Variants in SRRT observed in about 807,000 individuals in gnomAD.
The protein encoded by SRRT is serrate, RNA effector molecule.
Under a neutral mutation model 103.2 loss-of-function variants are expected in SRRT, and 32 were observed. The ratio of observed to expected loss-of-function variants is 0.31; its 90% confidence interval spans 0.23 to 0.42. The LOEUF is 0.42. Ranked by LOEUF, SRRT falls within the 10% of genes least tolerant of loss-of-function variation. The pLI is 1.00. For synonymous variants in SRRT, 525 were observed against 449.0 expected (o/e 1.17, Z -2.14); for missense variants, 986 against 1,207.5 (o/e 0.82, Z 2.72).
At chr7:100,876,770 G>A (rs1412330200) in intron 2 of SRRT, among the ~76,000 whole-genome samples, 1 of 152,080 alleles carries the variant, frequency 6.6e-6, no homozygotes, top group Non-Finnish European at 1.5e-5. Flanking sequence ...TTATAAAGAG[G>A]GTAAGCATTG....
At position 100,885,519 on chromosome 7, in the gene SRRT, C is replaced by G. The variant is rs1790012454; in HGVS notation, c.1317+149C>G. On this transcript the variant is annotated intron_variant, in intron 10 of 19. Transcript: ENST00000611405. The surrounding 1 kb of genome is among the most constrained non-coding windows in gnomAD (Gnocchi z 4.8). Reference sequence around the variant, plus strand: ...GTTCCATGGCCTCCGAGGACTAGTCCTGATAGCGCCATTGGCTTTCAGGTG... The same window carrying G: ...GTTCCATGGCCTCCGAGGACTAGTCGTGATAGCGCCATTGGCTTTCAGGTG... 9.2e-7 allele frequency: 1 copy of G among 1,088,448 alleles called. No individual in the cohort carries two copies. Among genetic ancestry groups the G allele is most frequent in the Non-Finnish European group, 1.3e-6 (1 of 758,098 alleles). 67.4% of individuals were successfully genotyped at this position (1,088,448 alleles called of 1,614,324 possible). A position where few individuals can be genotyped will look rare whatever the true frequency, so the allele number is the denominator to read the frequency against.
At chr7:100,880,065 G>T (rs888419394) in intron 2 of SRRT, among the ~76,000 whole-genome samples, 2 of 152,234 alleles carry the variant, frequency 1.3e-5, no homozygotes, top group Non-Finnish European at 2.9e-5. Context: ...GGCAGCCAGG[G>T]CTGCAGGAGC....
At chr7:100,886,560 C>T (rs1406369902) in intron 13 of SRRT, 125 bp downstream of exon 13, 10 of 1,106,564 alleles carry the variant, frequency 9.0e-6, no homozygotes, top group East Asian at 7.7e-5. Flanking sequence ...TCATTTGCCC[C>T]TTCGTGTGTG....
Position 100,887,661 on chromosome 7 carries a change from C to G in SRRT, c.2170-42C>G, listed in dbSNP as rs769730940. The G allele has an allele frequency of 1.9e-6, 3 of 1,590,904 alleles. No homozygotes were observed. Among genetic ancestry groups the G allele is most frequent in the Admixed American group, 1.7e-5 (1 of 59,096 alleles). Reference sequence around the variant, plus strand: ...CAGCTCGGGCCTGGGAGCGAGGCAACCCTTATGTGGCTGTCCTGACCCCTC... The same window carrying G: ...CAGCTCGGGCCTGGGAGCGAGGCAAGCCTTATGTGGCTGTCCTGACCCCTC... On this transcript the variant is annotated intron_variant, in intron 16 of 19. Coordinates refer to ENST00000611405, the MANE Select transcript of SRRT (RefSeq NM_015908.6). The surrounding 1 kb of genome is among the most constrained non-coding windows in gnomAD (Gnocchi z 4.1).
At chr7:100,878,548 G>T (rs1235328212) in intron 2 of SRRT, among the ~76,000 whole-genome samples, 1 of 152,192 alleles carries the variant, frequency 6.6e-6, no homozygotes, top group Non-Finnish European at 1.5e-5. Flanking sequence ...TAACTAGCCT[G>T]TGAGAAACTA....
chr7:100,884,295 T>G, intron 6 of SRRT, 56 bp downstream of exon 6: 2 of 1,609,118 alleles, frequency 1.2e-6, no homozygotes, highest in Non-Finnish European at 1.7e-6. Context: ...TGGGGGTGTC[T>G]GGGGATCAGG....
chr7:100,888,285 A>T lies in SRRT; in HGVS notation c.2457A>T (p.Thr819=). ...GAGAVRPAVP[T]GGPPYPHAPY... ...GTGCTGTCCGCCCTGCAGTCCCCAC[A>T]GGAGGCCCTCCATACCCCCATGCCC... is the stretch of plus-strand genomic sequence containing the variant. Residue 819 remains threonine (T), a synonymous_variant, in exon 19 of 20, where the codon ACA becomes ACT. Coordinates refer to ENST00000611405, the MANE Select transcript of SRRT (RefSeq NM_015908.6). The T allele has an allele frequency of 6.2e-7, 1 of 1,612,618 alleles. No homozygotes were observed. The highest frequency in any genetic ancestry group is 8.5e-7 in the Non-Finnish European group (1 of 1,178,808).
chr7:100,885,144 T>G lies in SRRT; in HGVS notation c.1160-69T>G, dbSNP rs1411740922. The G allele has an allele frequency of 2.5e-6, 4 of 1,603,028 alleles. No individual in the cohort carries two copies. The highest frequency in any genetic ancestry group is 2.2e-5 in the East Asian group (1 of 44,720). ...GGTGGGTGGCTTTTAGGGGAAAGCT[T>G]CTGTATCCTCCCCACCACAATCAGT... On this transcript the variant is annotated intron_variant, in intron 9 of 19. Coordinates refer to ENST00000611405, the MANE Select transcript of SRRT (RefSeq NM_015908.6). This position sits in a 1 kb window ranked among gnomAD's most constrained non-coding sequence, Gnocchi z 4.8.
At position 100,884,970 on chromosome 7, in the gene SRRT, C is replaced by T. The variant is rs370145921; in HGVS notation, c.1089C>T (p.Asp363=). The change falls in exon 9 of 20, where the codon GAC becomes GAT. Residue 363 remains aspartate (D), a synonymous_variant. Coordinates refer to ENST00000611405, the MANE Select transcript of SRRT (RefSeq NM_015908.6). Reference sequence around the variant, plus strand: ...AGCACAGTGGTGACGACAGCTTTGACGAGGGCAGCGTGTCAGAGTCTGAGT... The same window carrying T: ...AGCACAGTGGTGACGACAGCTTTGATGAGGGCAGCGTGTCAGAGTCTGAGT... ...NRKHSGDDSF[D]EGSVSESESE... is the part of the protein sequence containing the mutation. 32 of 1,613,860 alleles carry T rather than the reference C, an allele frequency of 2.0e-5. No homozygotes were observed. The highest frequency in any genetic ancestry group is 1.1e-4 in the African/African-American group (8 of 74,832).
At position 100,881,387 on chromosome 7, in the gene SRRT, G is replaced by A. The variant is rs11983638; in HGVS notation, c.225G>A (p.Pro75=). ...RFSPPRHELS[P]PQKRMRRDWD... ...CGCCACCTCGCCACGAACTCAGCCC[G>A]CCACAGAAGCGCATGAGGAGAGACT... The change falls in exon 3 of 20, where the codon CCG becomes CCA. Residue 75 remains proline, a synonymous_variant. Coordinates refer to ENST00000611405, the MANE Select transcript of SRRT (RefSeq NM_015908.6). 3,773 of 1,613,644 alleles carry A rather than the reference G, an allele frequency of 2.3e-3. 78 individuals carry two copies. The African/African-American group carries it at 0.044, about 19-fold the overall frequency.
In SRRT at chr7:100,884,493, C is replaced by A; in HGVS notation, c.883C>A (p.Leu295Ile). 2 of 1,613,388 alleles carry A rather than the reference C, an allele frequency of 1.2e-6. No individual in the cohort carries two copies. The highest frequency in any genetic ancestry group is 1.7e-6 in the Non-Finnish European group (2 of 1,179,830). ...AGAAGAAGGACGGGCTGGAGCAGGCCTAGGGGACGGGGAGCGCAAAACCAA... is the reference window on the plus strand; with the variant it reads ...AGAAGAAGGACGGGCTGGAGCAGGCATAGGGGACGGGGAGCGCAAAACCAA... ...KKEEGRAGAG[L>I]GDGERKTNDK... The change falls in exon 7 of 20, where the codon CTA becomes ATA. Residue 295 changes from leucine (L) to isoleucine (I), a missense_variant. Leu to Ile is a conservative substitution (Grantham distance 5, BLOSUM62 2). Around this residue, in one of 6 missense-constraint regions of SRRT, gnomAD observed 166 missense variants for 148.6 expected, o/e 1.12. Transcript: ENST00000611405.
At position 100,886,419 on chromosome 7, in the gene SRRT, C is replaced by T. The variant is rs775471328; in HGVS notation, c.1631C>T (p.Thr544Met). The T allele has an allele frequency of 4.3e-5, 69 of 1,612,264 alleles. 1 individual carries two copies. Among genetic ancestry groups the T allele is most frequent in the East Asian group, 2.0e-4 (9 of 44,890 alleles). Residue 544 changes from threonine to methionine, a missense_variant, in exon 13 of 20, where the codon ACG becomes ATG. By Grantham distance (81) the Thr-to-Met change is moderately conservative (BLOSUM62 -1). Coordinates refer to ENST00000611405, the MANE Select transcript of SRRT (RefSeq NM_015908.6). ...RTQLWASEPG[T>M]PPLPTSLPSQ... Reference sequence around the variant, plus strand: ...CAGCTTTGGGCCTCAGAACCAGGGACGCCTCCCCTGCCCACGGTCAGTGAC... The same window carrying T: ...CAGCTTTGGGCCTCAGAACCAGGGATGCCTCCCCTGCCCACGGTCAGTGAC...
chr7:100,886,885 A>G lies in SRRT; in HGVS notation c.1738A>G (p.Ser580Gly), dbSNP rs777736337. The change falls in exon 14 of 20, where the codon AGC (serine) becomes GGC (glycine). Residue 580 changes from serine to glycine, a missense_variant. Physicochemically the swap from Ser to Gly is moderately conservative, Grantham distance 56 (BLOSUM62 0). Around this residue, in one of 6 missense-constraint regions of SRRT, gnomAD observed 349 missense variants for 446.9 expected, o/e 0.78. Coordinates refer to ENST00000611405, the MANE Select transcript of SRRT (RefSeq NM_015908.6). ...SAEEEELLGS[S>G]GGAPPEEPPK... is the part of the protein sequence containing the mutation. Reference sequence around the variant, plus strand: ...CGAGGAGGAGGAGCTGCTGGGGAGCAGCGGGGGCGCTCCTCCTGAGGAGCC... The same window carrying G: ...CGAGGAGGAGGAGCTGCTGGGGAGCGGCGGGGGCGCTCCTCCTGAGGAGCC... The G allele has an allele frequency of 1.4e-5, 23 of 1,614,056 alleles. No individual in the cohort carries two copies. Among genetic ancestry groups the G allele is most frequent in the Non-Finnish European group, 1.9e-5 (23 of 1,180,030 alleles).
chr7:100,881,378 A>T lies in SRRT; in HGVS notation c.216A>T (p.Glu72Asp), dbSNP rs763985780. 3 of 1,600,568 alleles carry T rather than the reference A, an allele frequency of 1.9e-6. No individual in the cohort carries two copies. Among genetic ancestry groups the T allele is most frequent in the Non-Finnish European group, 1.7e-6 (2 of 1,172,326 alleles). ...RRERFSPPRH[E>D]LSPPQKRMRR... ...AGCGCTTCTCGCCACCTCGCCACGA[A>T]CTCAGCCCGCCACAGAAGCGCATGA... Residue 72 changes from glutamate (E) to aspartate (D), a missense_variant, in exon 3 of 20, where the codon GAA becomes GAT. Around this residue, in one of 6 missense-constraint regions of SRRT, gnomAD observed 274 missense variants for 358.5 expected, o/e 0.76. Coordinates refer to ENST00000611405, the MANE Select transcript of SRRT (RefSeq NM_015908.6).
chr7:100,886,036 T>G, intron 12 of SRRT, 95 bp downstream of exon 12: 1 of 1,453,388 alleles, frequency 6.9e-7, no homozygotes. Context: ...AGTTTGGTTG[T>G]TCTGCACACT....
chr7:100,887,963 C>T lies in SRRT; in HGVS notation c.2327-79C>T, dbSNP rs899424937. 13 of 1,532,556 alleles carry T rather than the reference C, an allele frequency of 8.5e-6. No homozygotes were observed. The African/African-American group carries it at 1.1e-4, about 13-fold the overall frequency. 94.9% of individuals were successfully genotyped at this position (1,532,556 alleles called of 1,614,324 possible). The stretch of plus-strand genomic sequence containing the variant: ...CCCCGAGAAGTTTCTGCCCCATCCT[C>T]AGGCCATAGCCCTAGAAGTCAATTG... On this transcript the variant is annotated intron_variant, in intron 17 of 19. Transcript: ENST00000611405. The surrounding 1 kb of genome is among the most constrained non-coding windows in gnomAD (Gnocchi z 4.1).
chr7:100,885,120 G>A lies in SRRT; in HGVS notation c.1159+80G>A. The A allele has an allele frequency of 1.2e-6, 2 of 1,603,142 alleles. No individual in the cohort carries two copies. Among genetic ancestry groups the A allele is most frequent in the Non-Finnish European group, 1.7e-6 (2 of 1,173,422 alleles). ...AGAGGTTGGCGACATTGACGGGAGGGTGGGTGGCTTTTAGGGGAAAGCTTC... is the reference window on the plus strand; with the variant it reads ...AGAGGTTGGCGACATTGACGGGAGGATGGGTGGCTTTTAGGGGAAAGCTTC... On this transcript the variant is annotated intron_variant, in intron 9 of 19. Transcript: ENST00000611405. This position sits in a 1 kb window ranked among gnomAD's most constrained non-coding sequence, Gnocchi z 4.8.
chr7:100,882,064 T>C lies in SRRT; in HGVS notation c.410T>C (p.Ile137Thr). The C allele has an allele frequency of 6.2e-7, 1 of 1,613,634 alleles. No individual in the cohort carries two copies. ...VLPIQARLGS[I>T]AEIDLGVPPP... ...GGGGTCCCCTCCAGGCTGGGCAGCA[T>C]TGCAGAGATTGACCTGGGTGTGCCG... Residue 137 changes from isoleucine to threonine, a missense_variant, in exon 5 of 20, where the codon ATT becomes ACT. Ile to Thr is a moderately conservative substitution (Grantham distance 89, BLOSUM62 -1). This residue lies in a region of SRRT where 274 missense variants were observed against 358.5 expected (regional missense o/e 0.76). Coordinates refer to ENST00000611405, the MANE Select transcript of SRRT (RefSeq NM_015908.6). The surrounding 1 kb of genome is among the most constrained non-coding windows in gnomAD (Gnocchi z 4.2).
rs1168297854 is a variant in SRRT at position 100,876,562 on chromosome 7, G to A, written c.122+850G>A. ...ATATAGAGTTGATCTGACTGGAGAG[G>A]TCGTCAGATTATTTCCCTGACAATA... On this transcript the variant is annotated intron_variant, in intron 2 of 19. Transcript: ENST00000611405. Among the ~76,000 whole-genome samples, 5 of 152,162 alleles carry A rather than the reference G, an allele frequency of 3.3e-5. No homozygotes were observed. The East Asian group carries it at 5.8e-4, about 18-fold the overall frequency.
Sources: allele counts gnomAD v4.1 joint callset (sites outside exome capture counted in the v4.1 genomes callset), GRCh38; gene constraint gnomAD v4.1.1; regional missense constraint gnomAD v4.1.1; non-coding constraint Gnocchi (gnomAD v3.1); transcripts MANE v1.5; gene names NCBI Gene and HGNC (gene_info 2026-07-23, HGNC 2026-07-21).